The following RBFOX1 variants were observed in gnomAD, a reference collection of about 807,000 sequenced individuals.
RBFOX1 encodes RNA binding fox-1 homolog 1.
A neutral mutation model predicts 57.7 loss-of-function variants in RBFOX1; 8 were observed. The observed-to-expected ratio is 0.14, with a 90% CI of 0.08 to 0.25. The LOEUF (loss-of-function observed/expected upper bound fraction) is 0.25, where lower values mean the gene tolerates loss of function less well. Ranked by LOEUF, RBFOX1 falls within the 10% of genes least tolerant of loss-of-function variation. RBFOX1 has a pLI of 1.00. For synonymous variants in RBFOX1, 326 were observed against 222.4 expected (o/e 1.47, Z -4.15); for missense variants, 611 against 548.5 (o/e 1.11, Z -1.14).
At chr16:7,042,796 C>G (rs963398319) in intron 3 of RBFOX1, among the ~76,000 whole-genome samples, 5 of 152,112 alleles carry the variant, frequency 3.3e-5, no homozygotes, top group Admixed American at 3.3e-4. Flanking sequence ...TGTGGTGGCG[C>G]TCACCTGGAA....
At chr16:6,175,823 C>T (rs973228580) in intron 1 of RBFOX1, among the ~76,000 whole-genome samples, 4 of 151,986 alleles carry the variant, frequency 2.6e-5, no homozygotes, top group Non-Finnish European at 4.4e-5. Flanking sequence ...AGGACCCACA[C>T]GGGGACAATC....
chr16:6,780,812 A>G (rs950724831), intron 3 of RBFOX1, among the ~76,000 whole-genome samples: 11 of 151,806 alleles, frequency 7.2e-5, no homozygotes, highest in Middle Eastern at 3.4e-3. Context: ...GTCTATTCAG[A>G]TGTTTGCTCA....
chr16:6,041,236 C>G (rs990671885), intron 1 of RBFOX1, among the ~76,000 whole-genome samples: 1 of 152,158 alleles, frequency 6.6e-6, no homozygotes, highest in Admixed American at 6.5e-5. Flanking sequence ...GACCTAGTCT[C>G]AGAGTCAAAC....
At chr16:5,741,977 C>A (rs555261641) in intron 3 of RBFOX1, among the ~76,000 whole-genome samples, 2 of 152,244 alleles carry the variant, frequency 1.3e-5, no homozygotes, top group African/African-American at 4.8e-5. Flanking sequence ...TAGAAATACT[C>A]CTCTCTTCTC....
chr16:7,601,023 A>T (rs2094986718), intron 9 of RBFOX1, among the ~76,000 whole-genome samples: 1 of 152,180 alleles, frequency 6.6e-6, no homozygotes, highest in South Asian at 2.1e-4. Context: ...TGGGGATCAA[A>T]TGTTGGATCT....
At chr16:5,513,305 C>T (rs186591699) in intron 2 of RBFOX1, among the ~76,000 whole-genome samples, 184 of 152,250 alleles carry the variant, frequency 1.2e-3, no homozygotes, top group African/African-American at 3.2e-3. Flanking sequence ...ATCTGTCTGA[C>T]GTTTCGATTA....
chr16:5,692,766 AG>A (rs1241738073), intron 3 of RBFOX1, among the ~76,000 whole-genome samples: 1 of 152,090 alleles, frequency 6.6e-6, no homozygotes, highest in African/African-American at 2.4e-5. Flanking sequence ...ATCAGGACAC[AG>A]CCCACCGAAC....
chr16:6,707,216 C>T (rs954001056), intron 3 of RBFOX1, among the ~76,000 whole-genome samples: 3 of 152,146 alleles, frequency 2.0e-5, no homozygotes, highest in African/African-American at 7.2e-5. Context: ...AGATTTTGAA[C>T]CAGATCAATA....
chr16:6,275,111 C>T (rs2075652392), intron 1 of RBFOX1, among the ~76,000 whole-genome samples: 1 of 152,144 alleles, frequency 6.6e-6, no homozygotes, highest in African/African-American at 2.4e-5. Context: ...TACATACCTA[C>T]ATCTCTGAGA....
chr16:5,308,573 C>T (rs1314779619), intron 1 of RBFOX1, among the ~76,000 whole-genome samples: 2 of 152,050 alleles, frequency 1.3e-5, no homozygotes, highest in Non-Finnish European at 2.9e-5. Context: ...CTTCCTTTAA[C>T]CTCAACAAAT....
intron 5 of RBFOX1, among the ~76,000 whole-genome samples, chr16:7,567,180 T>C (rs189068493): frequency 0.022 from 3,134 of 144,852 alleles, 162 homozygotes; most frequent in African/African-American, 0.078. Flanking sequence ...TATATCCCTA[T>C]ATAAATATCC....
At chr16:5,359,491 T>G (rs904084850) in intron 1 of RBFOX1, among the ~76,000 whole-genome samples, 1 of 152,252 alleles carries the variant, frequency 6.6e-6, no homozygotes, top group Non-Finnish European at 1.5e-5. Flanking sequence ...GCCTGTCTTT[T>G]GGATAAAAGT....
chr16:6,676,283 G>C (rs958134940), intron 3 of RBFOX1, among the ~76,000 whole-genome samples: 1 of 152,080 alleles, frequency 6.6e-6, no homozygotes, highest in Admixed American at 6.6e-5. Flanking sequence ...GATCAGAAAG[G>C]TGTGTGGAGA....
At chr16:6,426,778 G>C (rs2152997537) in intron 2 of RBFOX1, among the ~76,000 whole-genome samples, 1 of 152,284 alleles carries the variant, frequency 6.6e-6, no homozygotes. Context: ...ATGAAAAAAG[G>C]AAAGTAGGTT....
chr16:6,947,236 A>G (rs2079724638), intron 3 of RBFOX1, among the ~76,000 whole-genome samples: 1 of 152,264 alleles, frequency 6.6e-6, no homozygotes, highest in South Asian at 2.1e-4. Context: ...GGCCAAAATG[A>G]TGAGTCAGAA....
At chr16:7,595,961 C>G (rs1159236301) in intron 8 of RBFOX1, among the ~76,000 whole-genome samples, 1 of 151,422 alleles carries the variant, frequency 6.6e-6, no homozygotes, top group African/African-American at 2.4e-5. Context: ...AAAGAATAGA[C>G]AGTATTGCAA....
intron 3 of RBFOX1, among the ~76,000 whole-genome samples, chr16:5,866,988 A>G (rs920795728): frequency 1.3e-5 from 2 of 152,204 alleles, no homozygotes; most frequent in South Asian, 2.1e-4. Flanking sequence ...TTCAGTGTTT[A>G]TTTAATCATT....
At chr16:7,063,000 C>G (rs1276482691) in intron 4 of RBFOX1, among the ~76,000 whole-genome samples, 2 of 132,616 alleles carry the variant, frequency 1.5e-5, no homozygotes, top group African/African-American at 2.8e-5. Flanking sequence ...GGGAAATGTG[C>G]TAAACTTGGA....
chr16:5,290,286 C>A (rs774425960), intron 1 of RBFOX1, among the ~76,000 whole-genome samples: 5 of 152,074 alleles, frequency 3.3e-5, no homozygotes, highest in Non-Finnish European at 5.9e-5. Context: ...TGCTTGAACC[C>A]GGGAGGCAGA....
Sources: allele counts gnomAD v4.1 joint callset (sites outside exome capture counted in the v4.1 genomes callset), GRCh38; gene constraint gnomAD v4.1.1; transcripts MANE v1.5; gene names NCBI Gene and HGNC (gene_info 2026-07-23, HGNC 2026-07-21).